LRP1B: variants seen among roughly 807,000 people sequenced by gnomAD.
The protein encoded by LRP1B is LDL receptor related protein 1B, also known as low-density lipoprotein receptor-related protein 1B.
A neutral mutation model predicts 556.6 loss-of-function variants in LRP1B; 217 were observed. The ratio of observed to expected loss-of-function variants is 0.39; its 90% CI spans 0.35 to 0.44. The LOEUF is 0.44. LRP1B is among the 20% of genes least tolerant of loss of function. LRP1B has a pLI of 1.00. For missense variants in LRP1B, 5,053 were observed against 5,620.8 expected (o/e 0.90, Z 3.23); for synonymous variants, 2,047 against 1,865.8 (o/e 1.10, Z -2.50).
At chr2:140,921,942 AAT>A (rs1573881892) in intron 21 of LRP1B, among the ~76,000 whole-genome samples, 1 of 152,036 alleles carries the variant, frequency 6.6e-6, no homozygotes, top group Non-Finnish European at 1.5e-5. Flanking sequence ...TTTTTGTTAG[AAT>A]ATGTAATTAT....
chr2:142,027,673 A>AACACAC (rs3041444), intron 1 of LRP1B, among the ~76,000 whole-genome samples: 82 of 146,830 alleles, frequency 5.6e-4, no homozygotes, highest in South Asian at 2.6e-3. Flanking sequence ...AAAAGATTAA[A>AACACAC]ACACACACAC....
intron 2 of LRP1B, among the ~76,000 whole-genome samples, chr2:141,727,811 C>A (rs1239802297): frequency 2.0e-5 from 3 of 151,276 alleles, no homozygotes; most frequent in East Asian, 2.0e-4. Flanking sequence ...ATATCAATCT[C>A]TCTATATATA....
chr2:141,599,129 A>C (rs986530779), intron 2 of LRP1B, among the ~76,000 whole-genome samples: 1 of 123,782 alleles, frequency 8.1e-6, no homozygotes, highest in East Asian at 2.4e-4. Context: ...TTTCAGATCA[A>C]CTCCACAAAG....
In LRP1B at chr2:141,533,314, G is replaced by A. The variant is rs78495931; in HGVS notation, c.206-52781C>T. 2.8e-3 allele frequency among the ~76,000 whole-genome samples: 404 copies of A among 144,774 alleles called. 2 individuals carry two copies. Among genetic ancestry groups the A allele is most frequent in the African/African-American group, 9.6e-3 (387 of 40,296 alleles). The allele number at this position is 144,774 out of a possible 152,430, so 95.0% of individuals were successfully genotyped here. ...TTAGTTCAATAATTAATTAGTGCGTGAAAGACAACAAATTTTTATAGAGAG... is the reference window on the plus strand; with the variant it reads ...TTAGTTCAATAATTAATTAGTGCGTAAAAGACAACAAATTTTTATAGAGAG... On this transcript the variant is annotated intron_variant, in intron 2 of 90. Coordinates refer to ENST00000389484, the MANE Select transcript of LRP1B (RefSeq NM_018557.3).
chr2:140,261,547 TATTGA>T (rs1681938017), intron 86 of LRP1B, among the ~76,000 whole-genome samples: 1 of 151,832 alleles, frequency 6.6e-6, no homozygotes, highest in African/African-American at 2.4e-5. Context: ...CACACCTAAT[TATTGA>T]ATTATTAATA....
chr2:141,857,924 C>T (rs10432349), intron 1 of LRP1B, among the ~76,000 whole-genome samples: 47,617 of 151,924 alleles, frequency 0.31, 8,620 homozygotes, highest in Middle Eastern at 0.46. Flanking sequence ...AACCATTTCC[C>T]ACTTGATACT....
intron 1 of LRP1B, among the ~76,000 whole-genome samples, chr2:142,098,289 T>A (rs925029220): frequency 1.4e-4 from 21 of 151,830 alleles, no homozygotes; most frequent in African/African-American, 5.1e-4. Context: ...CATTACTGAA[T>A]CTTAAATCTT....
chr2:141,946,608 G>T (rs1174088241), intron 1 of LRP1B, among the ~76,000 whole-genome samples: 1 of 152,110 alleles, frequency 6.6e-6, no homozygotes, highest in East Asian at 1.9e-4. Flanking sequence ...CAGGTGAAGG[G>T]GCTGCTAAAC....
intron 1 of LRP1B, among the ~76,000 whole-genome samples, chr2:141,970,965 A>G (rs753493699): frequency 6.6e-6 from 1 of 151,602 alleles, no homozygotes; most frequent in African/African-American, 2.4e-5. Flanking sequence ...ACATCAGGTT[A>G]TCTACTTAGT....
chr2:140,778,210 G>T (rs1208081586), intron 32 of LRP1B, among the ~76,000 whole-genome samples: 6 of 152,110 alleles, frequency 3.9e-5, no homozygotes, highest in Non-Finnish European at 8.8e-5. Flanking sequence ...ACTGCAAAAA[G>T]AATTAGCTAC....
At chr2:140,501,548 CT>C in intron 55 of LRP1B, 138 bp downstream of exon 55, 1 of 499,602 alleles carries the variant, frequency 2.0e-6, no homozygotes, top group East Asian at 3.3e-5. Context: ...ATTATGGTAT[CT>C]TCATATCGAC....
chr2:141,539,463 A>T (rs1046372361), intron 2 of LRP1B, among the ~76,000 whole-genome samples: 2 of 152,158 alleles, frequency 1.3e-5, no homozygotes, highest in African/African-American at 4.8e-5. Flanking sequence ...GTAATTCCGT[A>T]GGTATTTCTA....
intron 2 of LRP1B, among the ~76,000 whole-genome samples, chr2:141,660,796 C>T (rs955506379): frequency 1.3e-5 from 2 of 152,162 alleles, no homozygotes; most frequent in African/African-American, 2.4e-5. Flanking sequence ...ATCCCTGCAG[C>T]GCAGTGCACA....
rs545610923 is a variant in LRP1B at position 141,523,622 on chromosome 2, T to C, written c.206-43089A>G. ...CAAGAGGTCACAAGTTACAAATAAT[T>C]TCAAAATTCCCCTTCCTTTTTCTTT... On this transcript the variant is annotated intron_variant, in intron 2 of 90. Coordinates refer to ENST00000389484, the MANE Select transcript of LRP1B (RefSeq NM_018557.3). Among the ~76,000 whole-genome samples the C allele has an allele frequency of 2.0e-5, 3 of 152,246 alleles. 1 individual carries two copies. In the South Asian group the frequency reaches 6.2e-4, roughly 32 times the overall value.
intron 41 of LRP1B, among the ~76,000 whole-genome samples, chr2:140,654,310 G>A (rs1348955548): frequency 1.3e-5 from 2 of 152,046 alleles, no homozygotes; most frequent in African/African-American, 4.8e-5. Flanking sequence ...AATTGTGATT[G>A]AAAACATCTT....
At chr2:141,729,714 T>C (rs1220365288) in intron 2 of LRP1B, among the ~76,000 whole-genome samples, 2 of 152,218 alleles carry the variant, frequency 1.3e-5, no homozygotes. Context: ...GACATTTTCC[T>C]AAAATGGATT....
chr2:141,442,044 T>C (rs1186187545), intron 3 of LRP1B, among the ~76,000 whole-genome samples: 1 of 152,194 alleles, frequency 6.6e-6, no homozygotes, highest in Non-Finnish European at 1.5e-5. Context: ...TTTTGAATCT[T>C]TGGAAAAAGA....
intron 18 of LRP1B, among the ~76,000 whole-genome samples, chr2:140,959,530 G>A (rs1695972508): frequency 6.6e-6 from 1 of 151,560 alleles, no homozygotes; most frequent in African/African-American, 2.4e-5. Context: ...ATTAAACAAT[G>A]AATTTAGATT....
chr2:141,556,162 C>T (rs1285765644), intron 2 of LRP1B, among the ~76,000 whole-genome samples: 2 of 151,786 alleles, frequency 1.3e-5, no homozygotes, highest in South Asian at 2.1e-4. Context: ...GGGACTACCA[C>T]AAATAGGTTT....
Sources: gnomAD v4.1 joint callset for allele counts (sites outside exome capture counted in the v4.1 genomes callset) on GRCh38, gnomAD v4.1.1 for gene constraint, MANE v1.5 for transcripts, NCBI Gene and HGNC (gene_info 2026-07-23, HGNC 2026-07-21) for gene names.